The following FDX1 variants were observed in gnomAD, a reference collection of about 807,000 sequenced individuals.
FDX1 encodes ferredoxin 1.
A neutral mutation model predicts 14.9 loss-of-function variants in FDX1; 9 were observed. The observed-to-expected ratio is 0.60, with a 90% confidence interval of 0.36 to 1.05. The LOEUF is 1.05. FDX1 is among the 50% of genes least tolerant of loss of function. FDX1 has a pLI of 0.01. For synonymous variants in FDX1, 92 were observed against 99.4 expected (o/e 0.93, Z 0.44); for missense variants, 204 against 237.2 (o/e 0.86, Z 0.92).
At chr11:110,456,826 T>C in intron 2 of FDX1, 92 bp from the exon 3 acceptor site, 1 of 1,390,606 alleles carries the variant, frequency 7.2e-7, no homozygotes. Flanking sequence ...TGTATTCTAA[T>C]GCTGATTCTA....
intron 2 of FDX1, among the ~76,000 whole-genome samples, chr11:110,437,495 A>G (rs1946377899): frequency 6.6e-6 from 1 of 152,202 alleles, no homozygotes; most frequent in African/African-American, 2.4e-5. Context: ...CTAAGACTCA[A>G]ACCTGTCTTG....
chr11:110,433,588 AT>A (rs1178826239), intron 1 of FDX1, among the ~76,000 whole-genome samples: 1 of 152,100 alleles, frequency 6.6e-6, no homozygotes, highest in Non-Finnish European at 1.5e-5. Flanking sequence ...CCTCTAGGGT[AT>A]TTTCATTCTC....
chr11:110,459,119 C>T (rs960784020), intron 3 of FDX1, among the ~76,000 whole-genome samples: 1 of 152,150 alleles, frequency 6.6e-6, no homozygotes, highest in Admixed American at 6.5e-5. Context: ...AAGGGAGATT[C>T]AGGAATTACC....
intron 2 of FDX1, among the ~76,000 whole-genome samples, chr11:110,444,184 G>C (rs957564975): frequency 6.6e-6 from 1 of 152,010 alleles, no homozygotes; most frequent in Non-Finnish European, 1.5e-5. Flanking sequence ...TTTATAGTTT[G>C]AGGTCTTAAA....
At position 110,454,918 on chromosome 11, in the gene FDX1, T is replaced by C. The variant is rs1946512113; in HGVS notation, c.311-2000T>C. Reference sequence around the variant, plus strand: ...CCTAACTCTGAACTTCACTATATGGTCTCCCTCTCCCATAATTCTACTGTT... The same window carrying C: ...CCTAACTCTGAACTTCACTATATGGCCTCCCTCTCCCATAATTCTACTGTT... On this transcript the variant is annotated intron_variant, in intron 2 of 3. Transcript: ENST00000260270. Among the ~76,000 whole-genome samples, 7 of 152,306 alleles carry C rather than the reference T, an allele frequency of 4.6e-5. No individual in the cohort carries two copies. The South Asian group carries it at 1.5e-3, about 32-fold the overall frequency.
At chr11:110,454,998 T>C (rs1246500660) in intron 2 of FDX1, among the ~76,000 whole-genome samples, 1 of 152,146 alleles carries the variant, frequency 6.6e-6, no homozygotes, top group Non-Finnish European at 1.5e-5. Flanking sequence ...ACGATGGTGT[T>C]TTTTTGTTTT....
intron 3 of FDX1, among the ~76,000 whole-genome samples, chr11:110,458,707 A>G (rs1188737611): frequency 6.6e-6 from 1 of 151,904 alleles, no homozygotes; most frequent in African/African-American, 2.4e-5. Flanking sequence ...TCCCGGGTTC[A>G]AGCAATTATC....
intron 1 of FDX1, among the ~76,000 whole-genome samples, chr11:110,435,262 G>A (rs182210737): frequency 6.6e-6 from 1 of 152,298 alleles, no homozygotes; most frequent in African/African-American, 2.4e-5. Flanking sequence ...TGTTGCCCAG[G>A]CTGGTCTCAA....
chr11:110,444,730 A>ATATATATACG (rs1565382043), intron 2 of FDX1, among the ~76,000 whole-genome samples: 1 of 65,930 alleles, frequency 1.5e-5, no homozygotes, highest in African/African-American at 7.2e-5. Flanking sequence ...ATACGTATAT[A>ATATATATACG]TATATATATA....
At chr11:110,446,853 A>G (rs1489001678) in intron 2 of FDX1, among the ~76,000 whole-genome samples, 1 of 152,230 alleles carries the variant, frequency 6.6e-6, no homozygotes. Context: ...TTGTCCTAAC[A>G]GAAATCAGAC....
intron 1 of FDX1, among the ~76,000 whole-genome samples, chr11:110,433,086 C>T (rs1359016579): frequency 4.6e-5 from 7 of 152,216 alleles, no homozygotes; most frequent in Non-Finnish European, 1.0e-4. Flanking sequence ...TAAGAGATTT[C>T]GAATTCCTTT....
chr11:110,461,424 AG>A (rs1946555368), intron 3 of FDX1, among the ~76,000 whole-genome samples: 1 of 144,750 alleles, frequency 6.9e-6, no homozygotes, highest in Non-Finnish European at 1.5e-5. Flanking sequence ...AGGGCCTGGG[AG>A]GTGGAGGTTA....
chr11:110,436,040 A>G, intron 2 of FDX1, 82 bp downstream of exon 2: 2 of 1,181,080 alleles, frequency 1.7e-6, no homozygotes, highest in Non-Finnish European at 2.5e-6. Flanking sequence ...TTTTTTGAAG[A>G]AGTTTAACCT....
rs1410675211 is a variant in FDX1, at chr11:110,444,737, TATATATAC to T, written c.310+8781_310+8788del. On this transcript the variant is annotated intron_variant, in intron 2 of 3. Transcript: ENST00000260270. ...ATATATATATACGTATATATATATA[TATATATAC>T]ACGTATATATATATATATATATTTG... is the stretch of plus-strand genomic sequence containing the variant. 6.8e-4 allele frequency among the ~76,000 whole-genome samples: 45 copies of T among 66,392 alleles called. 1 individual carries two copies. Among genetic ancestry groups the T allele is most frequent in the East Asian group, 2.4e-3 (4 of 1,682 alleles). 43.6% of individuals were successfully genotyped at this position (66,392 alleles called of 152,430 possible). A position where few individuals can be genotyped will look rare whatever the true frequency, so the allele number is the denominator to read the frequency against.
chr11:110,454,758 G>A (rs1038323236), intron 2 of FDX1, among the ~76,000 whole-genome samples: 1 of 152,040 alleles, frequency 6.6e-6, no homozygotes, highest in Non-Finnish European at 1.5e-5. Context: ...TGTAATTCTT[G>A]GAACTACTAT....
chr11:110,458,574 TG>T (rs1161064727), intron 3 of FDX1, among the ~76,000 whole-genome samples: 2 of 152,124 alleles, frequency 1.3e-5, no homozygotes, highest in Admixed American at 1.3e-4. Context: ...TTAAATACTA[TG>T]TAAATGTTTT....
At chr11:110,441,890 G>A (rs1033479777) in intron 2 of FDX1, among the ~76,000 whole-genome samples, 1 of 152,184 alleles carries the variant, frequency 6.6e-6, no homozygotes, top group Admixed American at 6.5e-5. Flanking sequence ...AAGCCTAGGA[G>A]GAAAAAGTGG....
In FDX1 at chr11:110,462,441, A is replaced by G; in HGVS notation, c.528A>G (p.Gln176=). 4 of 1,575,218 alleles carry G rather than the reference A, an allele frequency of 2.5e-6. No homozygotes were observed. Among genetic ancestry groups the G allele is most frequent in the Non-Finnish European group, 3.5e-6 (4 of 1,144,748 alleles). ...RVPETVADAR[Q]SIDVGKTS ...CTGAAACAGTGGCTGATGCCAGACA[A>G]TCCATTGATGTGGGCAAGACCTCCT... is the stretch of plus-strand genomic sequence containing the variant. Residue 176 remains glutamine (Q), a synonymous_variant, in exon 4 of 4, where the codon CAA becomes CAG. Coordinates refer to ENST00000260270, the MANE Select transcript of FDX1 (RefSeq NM_004109.5).
intron 2 of FDX1, among the ~76,000 whole-genome samples, chr11:110,444,342 G>A (rs1016574442): frequency 1.2e-4 from 18 of 151,956 alleles, no homozygotes; most frequent in East Asian, 5.8e-4. Flanking sequence ...CTGTCCGGGC[G>A]CGTTGGCTCA....
Sources: allele counts gnomAD v4.1 joint callset (sites outside exome capture counted in the v4.1 genomes callset), GRCh38; gene constraint gnomAD v4.1.1; transcripts MANE v1.5; gene names NCBI Gene and HGNC (gene_info 2026-07-23, HGNC 2026-07-21).